The following LINGO2 variants were observed in gnomAD, a reference collection of about 807,000 sequenced individuals.
LINGO2 encodes the protein leucine-rich repeat and immunoglobulin-like domain-containing nogo receptor-interacting protein 2.
A neutral mutation model predicts 30.6 loss-of-function variants in LINGO2; 14 were observed. The ratio of observed to expected loss-of-function variants is 0.46; its 90% CI spans 0.30 to 0.72. The LOEUF (loss-of-function observed/expected upper bound fraction) is 0.72, where lower values mean the gene tolerates loss of function less well. LINGO2 is among the 30% of genes least tolerant of loss of function. LINGO2 has a pLI of 0.07. For synonymous variants in LINGO2, 317 were observed against 288.5 expected (o/e 1.10, Z -1.00); for missense variants, 729 against 751.7 (o/e 0.97, Z 0.35).
intron 2 of LINGO2, among the ~76,000 whole-genome samples, chr9:28,386,069 C>G (rs529180940): frequency 6.6e-6 from 1 of 152,258 alleles, no homozygotes; most frequent in African/African-American, 2.4e-5. Context: ...ATATTGGAAG[C>G]CTTGCACATA....
chr9:28,317,870 C>T (rs1443849733), intron 3 of LINGO2, among the ~76,000 whole-genome samples: 1 of 152,128 alleles, frequency 6.6e-6, no homozygotes, highest in Admixed American at 6.6e-5. Context: ...TTAGAGTCCC[C>T]ATAATGCAGT....
the LINGO2 span, among the ~76,000 whole-genome samples, chr9:28,914,661 A>C: frequency 6.6e-6 from 1 of 152,112 alleles, no homozygotes; most frequent in Non-Finnish European, 1.5e-5. Context: ...ACAGAGGGCC[A>C]ATTTTTCATA....
intron 1 of LINGO2, among the ~76,000 whole-genome samples, chr9:28,560,555 C>G (rs529907645): frequency 6.6e-6 from 1 of 152,066 alleles, no homozygotes; most frequent in East Asian, 1.9e-4. Context: ...TGTCTTTTTT[C>G]TAAAGAATTA....
the LINGO2 span, among the ~76,000 whole-genome samples, chr9:28,929,598 T>C: frequency 2.0e-5 from 3 of 152,118 alleles, no homozygotes; most frequent in African/African-American, 7.2e-5. Flanking sequence ...TGAGGAGCTA[T>C]ACAAAGGAAA....
At chr9:28,806,995 C>T in the LINGO2 span, among the ~76,000 whole-genome samples, 1 of 151,002 alleles carries the variant, frequency 6.6e-6, no homozygotes, top group Non-Finnish European at 1.5e-5. Context: ...ATGTGAAAAA[C>T]ATTATTATTA....
At chr9:28,850,173 A>G in the LINGO2 span, among the ~76,000 whole-genome samples, 1 of 152,006 alleles carries the variant, frequency 6.6e-6, no homozygotes, top group African/African-American at 2.4e-5. Flanking sequence ...TACATGAGCC[A>G]CTCTTCCAGC....
chr9:27,951,339 T>A (rs4630615), intron 5 of LINGO2, among the ~76,000 whole-genome samples: 80,045 of 152,088 alleles, frequency 0.53, 22,824 homozygotes, highest in Non-Finnish European at 0.61. Context: ...AGGGATTTTC[T>A]TATTTGAGGC....
At chr9:28,783,632 G>A in the LINGO2 span, among the ~76,000 whole-genome samples, 4 of 152,252 alleles carry the variant, frequency 2.6e-5, no homozygotes, top group East Asian at 5.8e-4. Flanking sequence ...AATCTACACT[G>A]AGGAAATAAC....
intron 4 of LINGO2, among the ~76,000 whole-genome samples, chr9:28,048,110 A>G (rs2133040768): frequency 6.6e-6 from 1 of 151,024 alleles, no homozygotes. Context: ...AAGGGGTAGG[A>G]AAATTAGAAA....
intron 4 of LINGO2, among the ~76,000 whole-genome samples, chr9:28,211,842 C>T (rs1405005833): frequency 6.6e-6 from 1 of 151,236 alleles, no homozygotes; most frequent in Non-Finnish European, 1.5e-5. Flanking sequence ...TCTTACTTTC[C>T]TTTTTCTCTC....
intron 4 of LINGO2, among the ~76,000 whole-genome samples, chr9:28,153,490 A>T (rs1828053832): frequency 1.3e-5 from 2 of 152,202 alleles, no homozygotes; most frequent in South Asian, 4.1e-4. Flanking sequence ...CACTTCTTCC[A>T]CATGGAATGA....
the LINGO2 span, among the ~76,000 whole-genome samples, chr9:29,124,854 G>A: frequency 2.0e-5 from 3 of 152,204 alleles, no homozygotes; most frequent in Admixed American, 6.5e-5. Flanking sequence ...ACAGTGTAGC[G>A]ATTCCTTAAG....
intron 4 of LINGO2, among the ~76,000 whole-genome samples, chr9:28,204,505 G>C (rs1564041237): frequency 1.3e-5 from 2 of 152,000 alleles, no homozygotes; most frequent in Non-Finnish European, 2.9e-5. Context: ...CATGCTCTCA[G>C]TGAATTGTTA....
At chr9:29,157,954 T>C in the LINGO2 span, among the ~76,000 whole-genome samples, 1,135 of 152,272 alleles carry the variant, frequency 7.5e-3, 14 homozygotes, top group African/African-American at 0.026. Context: ...TACCAGACTA[T>C]ATACCAGGCT....
chr9:28,540,463 T>C (rs1360257622), intron 1 of LINGO2, among the ~76,000 whole-genome samples: 5 of 152,148 alleles, frequency 3.3e-5, no homozygotes, highest in Non-Finnish European at 7.4e-5. Context: ...GGTTTCATTA[T>C]GTTGGCTAGG....
the LINGO2 span, among the ~76,000 whole-genome samples, chr9:28,785,995 C>A: frequency 4.6e-5 from 7 of 152,254 alleles, no homozygotes; most frequent in South Asian, 1.4e-3. Flanking sequence ...ACTGAAATAG[C>A]CCACTTTTAT....
the LINGO2 span, among the ~76,000 whole-genome samples, chr9:29,094,117 T>C: frequency 1.4e-5 from 2 of 138,858 alleles, no homozygotes; most frequent in Non-Finnish European, 3.1e-5. Flanking sequence ...CTGAGTAAGC[T>C]GACATAATGT....
chr9:28,832,952 T>C, the LINGO2 span, among the ~76,000 whole-genome samples: 148 of 145,238 alleles, frequency 1.0e-3, no homozygotes, highest in African/African-American at 2.9e-3. Context: ...CTGATATTAG[T>C]GGCTGACGTA....
At chr9:28,933,259 A>G in the LINGO2 span, among the ~76,000 whole-genome samples, 1 of 152,084 alleles carries the variant, frequency 6.6e-6, no homozygotes, top group African/African-American at 2.4e-5. Context: ...GGATCTCCCT[A>G]AAATATAATT....
Sources: allele counts gnomAD v4.1 joint callset (sites outside exome capture counted in the v4.1 genomes callset), GRCh38; gene constraint gnomAD v4.1.1; transcripts MANE v1.5; gene names NCBI Gene and HGNC (gene_info 2026-07-23, HGNC 2026-07-21).